Variants in GPHN observed in about 807,000 individuals in gnomAD.
GPHN encodes the protein gephyrin.
GPHN carries 17 observed loss-of-function variants against 95.5 expected under a neutral mutation model. That is an observed-to-expected ratio of 0.18 (90% confidence interval 0.12 to 0.27). The LOEUF (loss-of-function observed/expected upper bound fraction) is 0.27. GPHN is among the 10% of genes least tolerant of loss of function. The probability of loss-of-function intolerance (pLI) is 1.00; values close to 1 mark genes in which losing one functional copy is unlikely to be tolerated. For synonymous variants in GPHN, 320 were observed against 322.5 expected (o/e 0.99, Z 0.08); for missense variants, 660 against 978.1 (o/e 0.67, Z 4.34).
chr14:67,590,004 A>G, the GPHN span: 2 of 1,476,976 alleles, frequency 1.4e-6, no homozygotes, highest in Non-Finnish European at 1.8e-6. Context: ...GATGGTTTGG[A>G]GTACGGAAAA....
chr14:67,674,752 G>A, the GPHN span: 1 of 345,178 alleles, frequency 2.9e-6, no homozygotes, highest in Non-Finnish European at 5.2e-6. Flanking sequence ...CTGAGGGAGC[G>A]GTGCCGCGCC....
chr14:67,671,352 C>A, the GPHN span, among the ~76,000 whole-genome samples: 1 of 151,970 alleles, frequency 6.6e-6, no homozygotes, highest in African/African-American at 2.4e-5. Flanking sequence ...ATGGTGAAAC[C>A]CCGTGTCTAC....
rs7145067 is a variant in GPHN, at chr14:66,539,127, T to A, written c.64+30536T>A. 3.9e-3 allele frequency among the ~76,000 whole-genome samples: 592 copies of A among 152,314 alleles called. 5 individuals carry two copies. Among genetic ancestry groups the A allele is most frequent in the African/African-American group, 0.014 (569 of 41,574 alleles). On this transcript the variant is annotated intron_variant, in intron 1 of 22. Transcript: ENST00000478722. ...AGATCTAATTCTGTTCTTTAGAGGT[T>A]TTGAGATTAGCCCGGTAATCTCTTG...
chr14:66,914,165 G>T (rs995340699), intron 5 of GPHN, among the ~76,000 whole-genome samples: 1 of 152,084 alleles, frequency 6.6e-6, no homozygotes, highest in African/African-American at 2.4e-5. Context: ...TGGTCTGGAT[G>T]TAACTGTTGG....
the GPHN span, among the ~76,000 whole-genome samples, chr14:67,215,106 A>G: frequency 6.6e-6 from 1 of 152,160 alleles, no homozygotes; most frequent in African/African-American, 2.4e-5. Context: ...ATGCACACTC[A>G]GATTTGAGAA....
chr14:66,574,463 A>G (rs1179176755), intron 1 of GPHN, among the ~76,000 whole-genome samples: 2 of 152,150 alleles, frequency 1.3e-5, no homozygotes, highest in Non-Finnish European at 1.5e-5. Flanking sequence ...AGTGTTCTCT[A>G]TTTGAGTATA....
intron 1 of GPHN, among the ~76,000 whole-genome samples, chr14:66,550,565 G>A (rs2140168560): frequency 6.6e-6 from 1 of 152,372 alleles, no homozygotes; most frequent in South Asian, 2.1e-4. Context: ...AGCAGGGTTT[G>A]AGAGGATTGA....
chr14:67,467,311 A>G, the GPHN span: 1 of 152,186 alleles, frequency 6.6e-6, no homozygotes, highest in African/African-American at 2.4e-5. Flanking sequence ...GCACCAGCAG[A>G]AGGTTCTTAT....
the GPHN span, among the ~76,000 whole-genome samples, chr14:67,523,322 CA>C: frequency 0.41 from 52,531 of 128,534 alleles, 9,583 homozygotes; most frequent in Middle Eastern, 0.5. Context: ...GACTCCATCT[CA>C]AAAAAAAAAA....
the GPHN span, among the ~76,000 whole-genome samples, chr14:67,682,235 CT>C: frequency 1.3e-5 from 2 of 152,272 alleles, no homozygotes; most frequent in South Asian, 4.1e-4. Flanking sequence ...TTAGATATGA[CT>C]GCACAAGTGA....
chr14:67,682,777 T>C, the GPHN span, among the ~76,000 whole-genome samples: 2 of 152,242 alleles, frequency 1.3e-5, no homozygotes, highest in Non-Finnish European at 2.9e-5. Flanking sequence ...CAAAAATTTC[T>C]ACACAAATGG....
chr14:67,185,713 G>A (rs1220705289), downstream of GPHN, among the ~76,000 whole-genome samples: 1 of 152,170 alleles, frequency 6.6e-6, no homozygotes. Flanking sequence ...TGGTGATGTT[G>A]CATGTTACAG....
At chr14:66,649,758 A>G (rs1487080049) in intron 1 of GPHN, among the ~76,000 whole-genome samples, 1 of 152,200 alleles carries the variant, frequency 6.6e-6, no homozygotes, top group Non-Finnish European at 1.5e-5. Flanking sequence ...TCAAAACCCA[A>G]TCAGTGAGTG....
intron 17 of GPHN, among the ~76,000 whole-genome samples, chr14:67,141,237 G>A (rs1309422313): frequency 6.6e-6 from 1 of 152,138 alleles, no homozygotes; most frequent in Non-Finnish European, 1.5e-5. Flanking sequence ...CCCTGTAAGA[G>A]AACCTCATAG....
intron 17 of GPHN, among the ~76,000 whole-genome samples, chr14:67,123,166 T>C (rs2079106287): frequency 6.6e-6 from 1 of 152,336 alleles, no homozygotes; most frequent in African/African-American, 2.4e-5. Flanking sequence ...TAAATACTCA[T>C]GATGTATCTA....
chr14:66,732,292 C>T (rs561155347), intron 2 of GPHN, among the ~76,000 whole-genome samples: 1 of 152,298 alleles, frequency 6.6e-6, no homozygotes, highest in East Asian at 1.9e-4. Context: ...TCAATGCCAG[C>T]CCATTCACCA....
intron 18 of GPHN, among the ~76,000 whole-genome samples, chr14:67,145,216 T>C (rs2080830690): frequency 6.6e-6 from 1 of 152,244 alleles, no homozygotes; most frequent in Non-Finnish European, 1.5e-5. Context: ...TAGTTTCTGA[T>C]TAACCTAATT....
intron 4 of GPHN, among the ~76,000 whole-genome samples, chr14:66,845,810 T>C (rs572624743): frequency 6.1e-5 from 9 of 148,464 alleles, no homozygotes; most frequent in Non-Finnish European, 1.3e-4. Flanking sequence ...AATGTGCACA[T>C]ACATGCCTCT....
chr14:66,683,882 C>A (rs2067164521), intron 2 of GPHN, among the ~76,000 whole-genome samples: 1 of 150,670 alleles, frequency 6.6e-6, no homozygotes, highest in Admixed American at 6.6e-5. Context: ...GAGGCCAAGG[C>A]AGGAGAATGG....
Sources: allele counts gnomAD v4.1 joint callset (sites outside exome capture counted in the v4.1 genomes callset), GRCh38; gene constraint gnomAD v4.1.1; transcripts MANE v1.5; gene names NCBI Gene and HGNC (gene_info 2026-07-23, HGNC 2026-07-21).